Variants in FRAS1 observed in about 807,000 individuals in gnomAD.
FRAS1 encodes Fraser extracellular matrix complex subunit 1.
Under a neutral mutation model 435.2 loss-of-function variants are expected in FRAS1, and 290 were observed. That is an observed-to-expected ratio of 0.67 (90% confidence interval 0.61 to 0.73). The LOEUF (loss-of-function observed/expected upper bound fraction) is 0.73, where lower values mean the gene tolerates loss of function less well. FRAS1 is among the 30% of genes least tolerant of loss of function. The pLI is 0.00. For missense variants in FRAS1, 4,860 were observed against 5,001.5 expected, an observed-to-expected ratio of 0.97 and a Z score of 0.85; for synonymous variants, 1,800 against 1,851.0, an observed-to-expected ratio of 0.97 and a Z score of 0.71.
intron 9 of FRAS1, among the ~76,000 whole-genome samples, chr4:78,275,548 G>C (rs1197447830): frequency 6.6e-6 from 1 of 152,294 alleles, no homozygotes; most frequent in African/African-American, 2.4e-5. Flanking sequence ...TGTCTCTAAA[G>C]GATTTTATTT....
At position 78,429,113 on chromosome 4, in the gene FRAS1, C is replaced by G. The variant is rs369324116; in HGVS notation, c.4730C>G (p.Thr1577Arg). 6.4e-7 allele frequency: 1 copy of G among 1,557,508 alleles called. No individual in the cohort carries two copies. Among genetic ancestry groups the G allele is most frequent in the African/African-American group, 1.4e-5 (1 of 73,388 alleles). Residue 1577 changes from threonine (T) to arginine (R), a missense_variant, in exon 36 of 74, where the codon ACA becomes AGA. Thr to Arg is a moderately conservative substitution (Grantham distance 71). Transcript: ENST00000512123. Reference sequence around the variant, plus strand: ...TTTTTAGTTTCAGATGGAGAACACACAAGTCCGGAGATGGTCCTCACCATT... The same window carrying G: ...TTTTTAGTTTCAGATGGAGAACACAGAAGTCCGGAGATGGTCCTCACCATT... ...FHFTVSDGEH[T>R]SPEMVLTIHL... is the part of the protein sequence containing the mutation.
intron 2 of FRAS1, among the ~76,000 whole-genome samples, chr4:78,116,574 C>G (rs1643423004): frequency 6.6e-6 from 1 of 152,158 alleles, no homozygotes; most frequent in Non-Finnish European, 1.5e-5. Context: ...GATCCCTTTA[C>G]CATTACGTAA....
intron 52 of FRAS1, among the ~76,000 whole-genome samples, chr4:78,472,755 A>C (rs572166855): frequency 1.3e-5 from 2 of 152,348 alleles, no homozygotes; most frequent in East Asian, 3.9e-4. Context: ...AGAAATTAAA[A>C]TCAACATGTA....
intron 20 of FRAS1, among the ~76,000 whole-genome samples, chr4:78,354,421 C>G (rs1753085): frequency 0.8 from 122,324 of 152,132 alleles, 49,829 homozygotes; most frequent in African/African-American, 0.93. Context: ...TGATTTGTAA[C>G]AGCTTACGGG....
At chr4:78,461,786 G>C (rs931433970) in intron 47 of FRAS1, among the ~76,000 whole-genome samples, 3 of 152,120 alleles carry the variant, frequency 2.0e-5, no homozygotes, top group Non-Finnish European at 1.5e-5. Flanking sequence ...TCCATACAAA[G>C]ATTTGCACAC....
chr4:78,475,380 G>A (rs1490244671), intron 53 of FRAS1, 58 bp from the exon 54 acceptor site: 4 of 1,593,946 alleles, frequency 2.5e-6, no homozygotes, highest in Admixed American at 3.3e-5. Context: ...CATTAAACAA[G>A]TTGTTTTTTC....
chr4:78,340,699 GT>G (rs1012850690), intron 20 of FRAS1, among the ~76,000 whole-genome samples: 28 of 152,164 alleles, frequency 1.8e-4, no homozygotes, highest in African/African-American at 6.3e-4. Flanking sequence ...TTTTCTCCAA[GT>G]TTTGGAGGCT....
At chr4:78,274,040 T>C (rs1230705775) in intron 9 of FRAS1, among the ~76,000 whole-genome samples, 5 of 152,188 alleles carry the variant, frequency 3.3e-5, no homozygotes, top group Admixed American at 3.3e-4. Context: ...AGTTTAGTCT[T>C]GGGAGGGTGT....
chr4:78,524,035 C>T (rs370111262), intron 69 of FRAS1, among the ~76,000 whole-genome samples: 2 of 152,166 alleles, frequency 1.3e-5, no homozygotes, highest in South Asian at 2.1e-4. Context: ...AAATACTGAC[C>T]CCTTTGTGAC....
chr4:78,276,955 G>T (rs560110043), intron 9 of FRAS1, among the ~76,000 whole-genome samples: 1 of 152,222 alleles, frequency 6.6e-6, no homozygotes, highest in Non-Finnish European at 1.5e-5. Context: ...AGCTGCAGTG[G>T]GCTCTACCCA....
At chr4:78,537,259 C>T in intron 72 of FRAS1, 59 bp downstream of exon 72, 2 of 1,474,230 alleles carry the variant, frequency 1.4e-6, no homozygotes, top group Non-Finnish European at 1.9e-6. Flanking sequence ...ATTTCCTCAG[C>T]TATGACTTCT....
intron 20 of FRAS1, among the ~76,000 whole-genome samples, chr4:78,341,346 C>T (rs1334278210): frequency 3.3e-5 from 5 of 152,108 alleles, no homozygotes; most frequent in African/African-American, 9.7e-5. Flanking sequence ...TTGGTACACC[C>T]GTGGGGATGC....
At position 78,464,591 on chromosome 4, in the gene FRAS1, C is replaced by G; in HGVS notation, c.7029+8C>G. 1 of 1,613,210 alleles carries G rather than the reference C, an allele frequency of 6.2e-7. No homozygotes were observed. The highest frequency in any genetic ancestry group is 8.5e-7 in the Non-Finnish European group (1 of 1,179,660). On this transcript the variant is annotated splice_region_variant and intron_variant, in intron 49 of 73. Transcript: ENST00000512123. ...GTGGATGCTGACACAGAGGTAAGAG[C>G]ACTTCTTCCCATGGGTTCTCTGGCT... is the stretch of plus-strand genomic sequence containing the variant.
chr4:78,458,936 CAAA>C (rs1159689988), intron 47 of FRAS1, among the ~76,000 whole-genome samples: 1 of 152,058 alleles, frequency 6.6e-6, no homozygotes, highest in African/African-American at 2.4e-5. Context: ...TTAACAACAA[CAAA>C]AAAAGAAAGC....
intron 2 of FRAS1, among the ~76,000 whole-genome samples, chr4:78,140,702 T>TGTATAC (rs879627050): frequency 0.079 from 6,440 of 81,194 alleles, 234 homozygotes; most frequent in Admixed American, 0.13. Context: ...TATGTGTATA[T>TGTATAC]GCATATACGT....
chr4:78,479,343 A>G, intron 55 of FRAS1, 31 bp from the exon 56 acceptor site: 2 of 1,403,496 alleles, frequency 1.4e-6, no homozygotes, highest in African/African-American at 1.4e-5. Context: ...ACTCATTCAA[A>G]TGCTTTGGTT....
intron 9 of FRAS1, among the ~76,000 whole-genome samples, chr4:78,270,532 G>A (rs1219383130): frequency 1.8e-5 from 2 of 113,698 alleles, no homozygotes; most frequent in African/African-American, 3.7e-5. Flanking sequence ...ACCAGCCACC[G>A]CCCCCCGCCA....
At chr4:78,381,278 A>G (rs1384645240) in intron 27 of FRAS1, among the ~76,000 whole-genome samples, 1 of 152,190 alleles carries the variant, frequency 6.6e-6, no homozygotes, top group Non-Finnish European at 1.5e-5. Flanking sequence ...TTCCTACTCT[A>G]TATTCTGCAT....
intron 47 of FRAS1, among the ~76,000 whole-genome samples, chr4:78,458,765 T>G (rs1723057339): frequency 6.6e-6 from 1 of 152,154 alleles, no homozygotes; most frequent in Admixed American, 6.5e-5. Flanking sequence ...CTGCACAGAT[T>G]GAATAAGATC....
Sources: allele counts gnomAD v4.1 joint callset (sites outside exome capture counted in the v4.1 genomes callset), GRCh38; gene constraint gnomAD v4.1.1; transcripts MANE v1.5; gene names NCBI Gene and HGNC (gene_info 2026-07-23, HGNC 2026-07-21).